Variants in WWC1 observed in about 807,000 individuals in gnomAD.
WWC1 encodes the protein protein KIBRA.
A neutral mutation model predicts 138.4 loss-of-function variants in WWC1; 55 were observed. The ratio of observed to expected loss-of-function variants is 0.40; its 90% confidence interval spans 0.32 to 0.50. WWC1 has a LOEUF of 0.50. WWC1 is among the 20% of genes least tolerant of loss of function. WWC1 has a pLI of 0.72. For missense variants in WWC1, 1,226 were observed against 1,420.4 expected, an observed-to-expected ratio of 0.86 and a Z score of 2.20; for synonymous variants, 524 against 564.9, an observed-to-expected ratio of 0.93 and a Z score of 1.03.
chr5:168,421,811 G>GAC (rs989055643), intron 9 of WWC1, among the ~76,000 whole-genome samples, 197 bp from the exon 10 acceptor site: 1 of 151,408 alleles, frequency 6.6e-6, no homozygotes, highest in Non-Finnish European at 1.5e-5. Flanking sequence ...CAGAGTGCCT[G>GAC]ATATATATAT....
intron 3 of WWC1, among the ~76,000 whole-genome samples, 157 bp from the exon 4 acceptor site, chr5:168,397,567 G>A (rs567400115): frequency 2.6e-5 from 4 of 152,198 alleles, no homozygotes; most frequent in East Asian, 1.9e-4. Flanking sequence ...CCGTTTGCGC[G>A]TGTACCATCT....
At position 168,437,634 on chromosome 5, in the gene WWC1, G is replaced by A. The variant is rs546891393; in HGVS notation, c.2281-4048G>A. 7.9e-5 allele frequency among the ~76,000 whole-genome samples: 12 copies of A among 152,286 alleles called. No homozygotes were observed. The South Asian group carries it at 2.5e-3, about 32-fold the overall frequency. ...ATAAGACTTCTCAGCAGATTTTTGTGTGTTGAATAAATGAATGAATGAATA... is the reference window on the plus strand; with the variant it reads ...ATAAGACTTCTCAGCAGATTTTTGTATGTTGAATAAATGAATGAATGAATA... On this transcript the variant is annotated intron_variant, in intron 15 of 22. Coordinates refer to ENST00000265293, the MANE Select transcript of WWC1 (RefSeq NM_015238.3).
chr5:168,434,240 A>G (rs1387640436), intron 15 of WWC1, among the ~76,000 whole-genome samples: 1 of 152,218 alleles, frequency 6.6e-6, no homozygotes, highest in Non-Finnish European at 1.5e-5. Flanking sequence ...CAAAGCGCTC[A>G]TCTCACTGTG....
chr5:168,315,972 T>C (rs1171451605), intron 1 of WWC1, among the ~76,000 whole-genome samples: 2 of 152,172 alleles, frequency 1.3e-5, no homozygotes, highest in African/African-American at 2.4e-5. Context: ...TAGCTTGACA[T>C]TCTTCCTGCT....
At chr5:168,376,324 G>A (rs1166122726) in intron 2 of WWC1, among the ~76,000 whole-genome samples, 3 of 152,160 alleles carry the variant, frequency 2.0e-5, no homozygotes, top group Non-Finnish European at 2.9e-5. Context: ...AAAGTGCTGG[G>A]ATTACAGGCG....
At chr5:168,438,430 G>A (rs1048084490) in intron 15 of WWC1, among the ~76,000 whole-genome samples, 1 of 152,170 alleles carries the variant, frequency 6.6e-6, no homozygotes, top group East Asian at 1.9e-4. Context: ...ATGTGAAGAA[G>A]GAAGTGTTTG....
chr5:168,379,140 A>G (rs989556836), intron 2 of WWC1, among the ~76,000 whole-genome samples: 2 of 152,218 alleles, frequency 1.3e-5, no homozygotes, highest in African/African-American at 4.8e-5. Flanking sequence ...TGCTTTTGGA[A>G]AGAGGGATAT....
chr5:168,325,823 C>A (rs1772483803), intron 1 of WWC1, among the ~76,000 whole-genome samples: 1 of 152,166 alleles, frequency 6.6e-6, no homozygotes, highest in South Asian at 2.1e-4. Flanking sequence ...CTGCCCCCAG[C>A]CCCTGGAAAC....
intron 21 of WWC1, 43 bp downstream of exon 21, chr5:168,465,005 C>T: frequency 6.2e-7 from 1 of 1,601,164 alleles, no homozygotes; most frequent in African/African-American, 1.3e-5. Context: ...CGCTCTGCCC[C>T]AGAGAGTCGG....
At chr5:168,309,218 G>A (rs1388968672) in intron 1 of WWC1, among the ~76,000 whole-genome samples, 2 of 146,630 alleles carry the variant, frequency 1.4e-5, no homozygotes, top group African/African-American at 2.8e-5. Flanking sequence ...GGGGTGTCCT[G>A]TGTCCCCAAG....
chr5:168,456,406 G>A (rs564395522), intron 19 of WWC1, among the ~76,000 whole-genome samples: 13 of 152,178 alleles, frequency 8.5e-5, no homozygotes, highest in Non-Finnish European at 1.6e-4. Context: ...GCTGAGGTGG[G>A]CAAATCACTT....
chr5:168,311,406 G>A (rs973569480), intron 1 of WWC1, among the ~76,000 whole-genome samples: 1 of 152,124 alleles, frequency 6.6e-6, no homozygotes, highest in African/African-American at 2.4e-5. Flanking sequence ...AGGAACCGAG[G>A]CAGCAGCATC....
intron 2 of WWC1, among the ~76,000 whole-genome samples, chr5:168,382,085 G>C (rs1007811238): frequency 6.6e-6 from 1 of 152,016 alleles, no homozygotes; most frequent in African/African-American, 2.4e-5. Flanking sequence ...AGTAGCAAAA[G>C]AACTGAAAAC....
chr5:168,408,662 ACGGGG>A lies in WWC1; in HGVS notation c.867+11_867+15del, dbSNP rs779468089. 1 of 1,613,710 alleles carries A rather than the reference ACGGGG, an allele frequency of 6.2e-7. No individual in the cohort carries two copies. The highest frequency in any genetic ancestry group is 2.2e-5 in the East Asian group (1 of 44,874). On this transcript the variant is annotated intron_variant, in intron 7 of 22. Coordinates refer to ENST00000265293, the MANE Select transcript of WWC1 (RefSeq NM_015238.3). ...CAGACATCTCGGGAAGCGTGAGTAG[ACGGGG>A]CAGGTTGCTGGGGGCCTTCCACAGG...
At chr5:168,389,188 T>C (rs1778275252) in intron 3 of WWC1, among the ~76,000 whole-genome samples, 1 of 151,910 alleles carries the variant, frequency 6.6e-6, no homozygotes, top group South Asian at 2.1e-4. Flanking sequence ...GTGACTCACT[T>C]CTGTAATCCC....
intron 3 of WWC1, among the ~76,000 whole-genome samples, chr5:168,395,246 G>T (rs1054905219): frequency 3.9e-5 from 6 of 152,174 alleles, no homozygotes; most frequent in African/African-American, 1.4e-4. Context: ...ATGTCCAGAG[G>T]CACAGCCTGA....
chr5:168,441,515 A>G (rs1231031668), intron 15 of WWC1, among the ~76,000 whole-genome samples, 167 bp from the exon 16 acceptor site: 2 of 152,224 alleles, frequency 1.3e-5, no homozygotes, highest in Non-Finnish European at 2.9e-5. Flanking sequence ...ATGAATGAAC[A>G]AATGAGCTAA....
intron 16 of WWC1, among the ~76,000 whole-genome samples, chr5:168,443,842 GT>G (rs1314307443): frequency 6.6e-6 from 1 of 152,134 alleles, no homozygotes; most frequent in Non-Finnish European, 1.5e-5. Flanking sequence ...TTTTGCTTTG[GT>G]ATTAGCTACC....
At chr5:168,335,442 G>A (rs557226103) in intron 1 of WWC1, among the ~76,000 whole-genome samples, 25 of 152,036 alleles carry the variant, frequency 1.6e-4, no homozygotes, top group African/African-American at 6.0e-4. Context: ...GCAATATAGC[G>A]AGACTCCGTT....
Sources: gnomAD v4.1 joint callset for allele counts (sites outside exome capture counted in the v4.1 genomes callset) on GRCh38, gnomAD v4.1.1 for gene constraint, MANE v1.5 for transcripts, NCBI Gene and HGNC (gene_info 2026-07-23, HGNC 2026-07-21) for gene names.